Variants in DAB1 observed in about 807,000 individuals in gnomAD.
DAB1 encodes disabled homolog 1.
DAB1 carries 15 observed loss-of-function variants against 64.6 expected under a neutral mutation model. The observed-to-expected ratio is 0.23, with a 90% confidence interval of 0.16 to 0.36. The LOEUF (loss-of-function observed/expected upper bound fraction) is 0.36. DAB1 is among the 10% of genes least tolerant of loss of function. The pLI, the probability that DAB1 is intolerant of heterozygous loss-of-function variation, is 1.00. For synonymous variants in DAB1, 235 were observed against 251.9 expected (o/e 0.93, Z 0.64); for missense variants, 596 against 706.7 (o/e 0.84, Z 1.78).
chr1:57,549,152 G>A (rs1468790699), intron 7 of DAB1, among the ~76,000 whole-genome samples: 1 of 152,116 alleles, frequency 6.6e-6, no homozygotes. Context: ...TCCCTGCACT[G>A]ATTGAGTTTC....
At chr1:57,060,423 T>C (rs1389758152) in intron 9 of DAB1, among the ~76,000 whole-genome samples, 1 of 152,146 alleles carries the variant, frequency 6.6e-6, no homozygotes, top group Non-Finnish European at 1.5e-5. Flanking sequence ...GTACTGGAAT[T>C]ACAGGCCTGA....
At chr1:58,043,734 AT>A (rs11440866) in intron 5 of DAB1, among the ~76,000 whole-genome samples, 34 of 147,528 alleles carry the variant, frequency 2.3e-4, no homozygotes, top group East Asian at 7.9e-4. Flanking sequence ...CACAACCCAC[AT>A]TTTTTTTTTT....
chr1:57,872,414 T>A (rs1450617965), intron 1 of DAB1, among the ~76,000 whole-genome samples: 3 of 152,196 alleles, frequency 2.0e-5, no homozygotes, highest in African/African-American at 7.2e-5. Context: ...TAGATACTCA[T>A]CAGACACCAA....
chr1:57,980,922 CACACACACATAGATATAGATAGATAA>C (rs1256871300), intron 5 of DAB1, among the ~76,000 whole-genome samples: 1 of 151,820 alleles, frequency 6.6e-6, no homozygotes, highest in Non-Finnish European at 1.5e-5. Flanking sequence ...TACACACACA[CACACACACATAGATATAGATAGATAA>C]ACATATATAT....
intron 6 of DAB1, among the ~76,000 whole-genome samples, chr1:57,770,748 C>CT (rs1557470891): frequency 6.6e-6 from 1 of 151,836 alleles, no homozygotes; most frequent in African/African-American, 2.4e-5. Flanking sequence ...ATGCAAATAA[C>CT]TTTTTTAGCT....
At chr1:58,225,380 C>G (rs1043896375) in intron 4 of DAB1, among the ~76,000 whole-genome samples, 65 of 152,010 alleles carry the variant, frequency 4.3e-4, no homozygotes, top group African/African-American at 1.5e-3. Flanking sequence ...TAAACTAGTT[C>G]AACCATTGTG....
intron 7 of DAB1, among the ~76,000 whole-genome samples, chr1:57,604,815 T>C (rs1186876756): frequency 6.6e-6 from 1 of 152,202 alleles, no homozygotes; most frequent in African/African-American, 2.4e-5. Flanking sequence ...ATAACTGAAC[T>C]GTTGCATGTT....
intron 9 of DAB1, among the ~76,000 whole-genome samples, chr1:57,055,115 A>G (rs1649616159): frequency 6.6e-6 from 1 of 152,206 alleles, no homozygotes; most frequent in Admixed American, 6.5e-5. Flanking sequence ...ATGCTGTTGG[A>G]TTTCAGACAC....
At chr1:57,378,574 T>C (rs983535124) in intron 1 of DAB1, among the ~76,000 whole-genome samples, 1 of 152,224 alleles carries the variant, frequency 6.6e-6, no homozygotes, top group Non-Finnish European at 1.5e-5. Flanking sequence ...GATATTAAGT[T>C]ATAATTCCCT....
chr1:58,386,405 A>T (rs1238814324), intron 3 of DAB1, among the ~76,000 whole-genome samples: 1 of 152,168 alleles, frequency 6.6e-6, no homozygotes, highest in Non-Finnish European at 1.5e-5. Flanking sequence ...GAGTATATTA[A>T]ATGTTTGTTC....
intron 7 of DAB1, among the ~76,000 whole-genome samples, chr1:57,599,365 CA>C (rs1466591842): frequency 6.6e-6 from 1 of 152,040 alleles, no homozygotes; most frequent in Non-Finnish European, 1.5e-5. Context: ...AGCAGGGCTA[CA>C]CACTCCACTC....
intron 6 of DAB1, among the ~76,000 whole-genome samples, chr1:57,803,392 C>T (rs771894504): frequency 1.3e-5 from 2 of 152,180 alleles, no homozygotes; most frequent in Non-Finnish European, 2.9e-5. Flanking sequence ...AGTTTCTGAC[C>T]TCTTTCTCCT....
chr1:57,735,105 C>T (rs114411646), intron 6 of DAB1, among the ~76,000 whole-genome samples: 1,650 of 152,282 alleles, frequency 0.011, 25 homozygotes, highest in African/African-American at 0.039. Context: ...TGTTTTCAGT[C>T]CTTCAATTCC....
intron 5 of DAB1, among the ~76,000 whole-genome samples, chr1:57,980,093 T>G (rs371647237): frequency 2.8e-4 from 42 of 152,236 alleles, no homozygotes; most frequent in African/African-American, 1.0e-3. Flanking sequence ...AGAGCAACCA[T>G]TAATTGAATC....
chr1:57,859,702 A>C (rs576985811), intron 1 of DAB1, among the ~76,000 whole-genome samples: 1 of 152,196 alleles, frequency 6.6e-6, no homozygotes, highest in Non-Finnish European at 1.5e-5. Context: ...ATCTTTCCTG[A>C]TAATGGGCTC....
chr1:58,128,861 G>T (rs1653321782), intron 5 of DAB1, among the ~76,000 whole-genome samples: 1 of 150,364 alleles, frequency 6.7e-6, no homozygotes, highest in African/African-American at 2.5e-5. Flanking sequence ...TGTTTTGCTA[G>T]TATTTTATTG....
At chr1:57,579,741 G>T (rs1312178984) in intron 7 of DAB1, among the ~76,000 whole-genome samples, 1 of 152,146 alleles carries the variant, frequency 6.6e-6, no homozygotes, top group African/African-American at 2.4e-5. Context: ...CAAGCTTTGA[G>T]AAACATTGAC....
intron 2 of DAB1, among the ~76,000 whole-genome samples, chr1:57,204,961 T>C (rs761539142): frequency 9.9e-5 from 15 of 152,180 alleles, no homozygotes; most frequent in Non-Finnish European, 5.9e-5. Flanking sequence ...GGCTAAAAGA[T>C]GATTGAAACA....
chr1:57,459,907 C>T (rs542321554), intron 7 of DAB1, among the ~76,000 whole-genome samples: 247 of 152,294 alleles, frequency 1.6e-3, no homozygotes, highest in African/African-American at 5.7e-3. Flanking sequence ...TCTTGTTCTG[C>T]CATGAGTAAC....
Sources: allele counts gnomAD v4.1 joint callset (sites outside exome capture counted in the v4.1 genomes callset), GRCh38; gene constraint gnomAD v4.1.1; transcripts MANE v1.5; gene names NCBI Gene and HGNC (gene_info 2026-07-23, HGNC 2026-07-21).